Variants in LTBP1 observed in about 807,000 individuals in gnomAD.
LTBP1 encodes latent-transforming growth factor beta-binding protein 1.
In LTBP1, 129 loss-of-function variants were observed where a neutral mutation model predicts 207.6. The ratio of observed to expected loss-of-function variants is 0.62; its 90% CI spans 0.54 to 0.72. LTBP1 has a LOEUF of 0.72. LTBP1 is among the 30% of genes least tolerant of loss of function. The pLI is 0.00. For missense variants in LTBP1, 2,281 were observed against 2,217.2 expected (o/e 1.03, Z -0.58); for synonymous variants, 963 against 833.7 (o/e 1.16, Z -2.67).
chr2:33,011,938 G>T (rs948576824), intron 2 of LTBP1, among the ~76,000 whole-genome samples: 4 of 151,968 alleles, frequency 2.6e-5, no homozygotes, highest in Non-Finnish European at 5.9e-5. Context: ...ATTTCTCTCC[G>T]ATTTCAGGTC....
At chr2:33,343,707 T>C (rs948827920) in intron 25 of LTBP1, among the ~76,000 whole-genome samples, 8 of 152,228 alleles carry the variant, frequency 5.3e-5, no homozygotes, top group Admixed American at 3.9e-4. Flanking sequence ...CAACTGTATT[T>C]CCTCAGTCTG....
chr2:33,321,542 A>G (rs7580131), intron 24 of LTBP1, among the ~76,000 whole-genome samples: 99,028 of 152,096 alleles, frequency 0.65, 34,201 homozygotes, highest in Non-Finnish European at 0.76. Context: ...TACATTTTCT[A>G]TGAACGGGGG....
intron 5 of LTBP1, among the ~76,000 whole-genome samples, chr2:33,159,287 G>C (rs1309145222): frequency 6.6e-6 from 1 of 152,152 alleles, no homozygotes; most frequent in Non-Finnish European, 1.5e-5. Context: ...TGACTTAGTG[G>C]TAATAGTCCC....
chr2:33,200,186 G>A (rs1214943581), intron 7 of LTBP1, among the ~76,000 whole-genome samples: 113 of 152,210 alleles, frequency 7.4e-4, no homozygotes, highest in Non-Finnish European at 3.2e-4. Flanking sequence ...TAAGCCAAAA[G>A]AACAAAGCTG....
Position 32,999,663 on chromosome 2 carries a change from G to A in LTBP1, c.566-21246G>A, listed in dbSNP as rs1185715558. On this transcript the variant is annotated intron_variant, in intron 2 of 33. Coordinates refer to ENST00000404816, the MANE Select transcript of LTBP1 (RefSeq NM_206943.4). The stretch of plus-strand genomic sequence containing the variant: ...TCCCAGCACTTTGGGAGGCCGAGGT[G>A]GGCGGATCATGAGGTCAGGAGTTCA... 2.2e-5 allele frequency among the ~76,000 whole-genome samples: 3 copies of A among 133,706 alleles called. 1 individual carries two copies. Among genetic ancestry groups the A allele is most frequent in the Middle Eastern group, 4.2e-3 (1 of 240 alleles). The allele number at this position is 133,706 out of a possible 152,430, so 87.7% of individuals were successfully genotyped here.
At chr2:33,354,004 C>T (rs1219050410) in intron 26 of LTBP1, among the ~76,000 whole-genome samples, 7 of 152,098 alleles carry the variant, frequency 4.6e-5, no homozygotes, top group African/African-American at 1.7e-4. Context: ...GGACTACAGG[C>T]TCCCGCCACC....
chr2:33,240,916 C>T (rs1325086884), intron 9 of LTBP1, among the ~76,000 whole-genome samples: 1 of 152,116 alleles, frequency 6.6e-6, no homozygotes, highest in Non-Finnish European at 1.5e-5. Flanking sequence ...TCCCAAAGTG[C>T]TGGGATTACA....
At chr2:33,222,820 G>A (rs975096212) in intron 9 of LTBP1, among the ~76,000 whole-genome samples, 1 of 152,152 alleles carries the variant, frequency 6.6e-6, no homozygotes, top group Non-Finnish European at 1.5e-5. Context: ...TATAACTTGA[G>A]TTTACCAAGG....
chr2:33,012,513 C>T (rs1032794875), intron 2 of LTBP1, among the ~76,000 whole-genome samples: 2 of 152,176 alleles, frequency 1.3e-5, no homozygotes, highest in Non-Finnish European at 2.9e-5. Flanking sequence ...CAATTAAGGC[C>T]GCCATGTTCC....
At chr2:33,112,396 T>C (rs2080463903) in intron 4 of LTBP1, among the ~76,000 whole-genome samples, 1 of 152,262 alleles carries the variant, frequency 6.6e-6, no homozygotes, top group Non-Finnish European at 1.5e-5. Flanking sequence ...AAGTTTCTTA[T>C]CTGTTCTGTC....
intron 5 of LTBP1, among the ~76,000 whole-genome samples, chr2:33,157,064 C>T (rs2084035032): frequency 6.6e-6 from 1 of 152,132 alleles, no homozygotes; most frequent in African/African-American, 2.4e-5. Flanking sequence ...TGTTTGGACT[C>T]CAGGCATGCA....
At chr2:33,138,386 G>C (rs1250695907) in intron 5 of LTBP1, among the ~76,000 whole-genome samples, 1 of 151,964 alleles carries the variant, frequency 6.6e-6, no homozygotes, top group Non-Finnish European at 1.5e-5. Context: ...TTTTGATATG[G>C]TTTAACAGAA....
chr2:33,094,551 A>G (rs2079286130), intron 3 of LTBP1, among the ~76,000 whole-genome samples: 1 of 152,230 alleles, frequency 6.6e-6, no homozygotes. Context: ...TGAAGTTACA[A>G]CTGGCCTCCT....
intron 2 of LTBP1, among the ~76,000 whole-genome samples, chr2:33,019,250 A>G (rs1349901358): frequency 6.6e-6 from 1 of 152,120 alleles, no homozygotes; most frequent in Non-Finnish European, 1.5e-5. Flanking sequence ...TTGAACAAAT[A>G]AAGAAGGGAC....
Position 33,266,634 on chromosome 2 carries a change from G to A in LTBP1, c.2617+3242G>A, listed in dbSNP as rs1446683621. ...TGAGCCCATAAAAACCCTGGACTCA[G>A]CCAAACTCACACAGATGTCAGGAGT... On this transcript the variant is annotated intron_variant, in intron 15 of 33. Coordinates refer to ENST00000404816, the MANE Select transcript of LTBP1 (RefSeq NM_206943.4). Among the ~76,000 whole-genome samples the A allele has an allele frequency of 3.3e-5, 5 of 152,098 alleles. No homozygotes were observed. The East Asian group carries it at 7.7e-4, about 23-fold the overall frequency.
chr2:33,277,809 CTTTTTTTCTTTCTTTCTTTCTTTTT>C (rs2093472000), intron 18 of LTBP1, among the ~76,000 whole-genome samples: 9 of 105,712 alleles, frequency 8.5e-5, no homozygotes, highest in Admixed American at 1.0e-4. Context: ...CTCTCTCTTT[CTTTTTTTCTTTCTTTCTTTCTTTTT>C]TTTTTTTTTT....
intron 15 of LTBP1, 74 bp from the exon 16 acceptor site, chr2:33,273,577 CAAAGT>C (rs1306361138): frequency 1.0e-5 from 12 of 1,202,638 alleles, no homozygotes; most frequent in South Asian, 1.7e-5. Flanking sequence ...TCAGGAAACT[CAAAGT>C]AATACTTTGA....
intron 22 of LTBP1, among the ~76,000 whole-genome samples, chr2:33,302,262 C>T (rs1469424008): frequency 6.6e-6 from 1 of 152,174 alleles, no homozygotes; most frequent in African/African-American, 2.4e-5. Context: ...TCTCTGCATT[C>T]ATTGTCCACC....
chr2:33,249,456 A>G (rs980429108), intron 10 of LTBP1, among the ~76,000 whole-genome samples: 3 of 152,194 alleles, frequency 2.0e-5, no homozygotes, highest in Non-Finnish European at 4.4e-5. Flanking sequence ...TCCTATAATT[A>G]AGGCCATAAT....
Sources: gnomAD v4.1 joint callset for allele counts (sites outside exome capture counted in the v4.1 genomes callset) on GRCh38, gnomAD v4.1.1 for gene constraint, MANE v1.5 for transcripts, NCBI Gene and HGNC (gene_info 2026-07-23, HGNC 2026-07-21) for gene names.